The following POLR2J variants were observed in gnomAD, a reference collection of about 807,000 sequenced individuals.
The protein encoded by POLR2J is DNA-directed RNA polymerase II subunit RPB11-a.
In POLR2J, 12 loss-of-function variants were observed where a neutral mutation model predicts 13.4. That is an observed-to-expected ratio of 0.90 (90% confidence interval 0.57 to 1.45). The LOEUF (loss-of-function observed/expected upper bound fraction) is 1.45. Ranked by LOEUF, POLR2J falls within the 40% of genes most tolerant of loss-of-function variation. The pLI is 0.00. For missense variants in POLR2J, 58 were observed against 132.0 expected (o/e 0.44, Z 2.75); for synonymous variants, 31 against 53.6 (o/e 0.58, Z 1.84).
rs532211452 is a variant in POLR2J at position 102,473,448 on chromosome 7, A to AT, written c.*200_*201insA. The AT allele has an allele frequency of 2.1e-3, 1,567 of 743,872 alleles. 9 individuals are homozygous for AT. The highest frequency in any genetic ancestry group is 0.013 in the East Asian group (452 of 34,710). 46.1% of individuals were successfully genotyped at this position (743,872 alleles called of 1,614,324 possible). ...TGCGAAGTCACCGCTGCTCAAGTCC[A>AT]CATCCAGGTCTCTCCCGCTATACTT... On this transcript the variant is annotated 3_prime_UTR_variant, in exon 4 of 4. Transcript: ENST00000292614.
chr7:102,474,921 G>A (rs564442869), intron 2 of POLR2J, among the ~76,000 whole-genome samples: 1 of 145,256 alleles, frequency 6.9e-6, no homozygotes, highest in Non-Finnish European at 1.5e-5. Flanking sequence ...AGGGCCAGCT[G>A]CCGGCAGTGA....
rs375512750 is a variant in POLR2J at position 102,474,353 on chromosome 7, G to A, written c.318+8C>T. The A allele has an allele frequency of 3.6e-5, 58 of 1,611,700 alleles. No individual in the cohort carries two copies. In the African/African-American group the frequency reaches 4.9e-4, roughly 14 times the overall value. On this transcript the variant is annotated splice_region_variant and intron_variant, in intron 3 of 3. Coordinates refer to ENST00000292614, the MANE Select transcript of POLR2J (RefSeq NM_006234.6). Reference sequence around the variant, plus strand: ...CACCCCGTCTGCCCCTCCAGGCCCCGCCCTCACCCGAAAGCGCTCCTCCAG... The same window carrying A: ...CACCCCGTCTGCCCCTCCAGGCCCCACCCTCACCCGAAAGCGCTCCTCCAG...
At chr7:102,474,105 G>C in intron 3 of POLR2J, 1 of 1,476,638 alleles carries the variant, frequency 6.8e-7, no homozygotes, top group Non-Finnish European at 9.0e-7. Context: ...GTAGGTCCCC[G>C]CCCCGATCTG....
At position 102,473,361 on chromosome 7, in the gene POLR2J, T is replaced by G. The variant is rs1798290442; in HGVS notation, c.*288A>C. 1.8e-6 allele frequency: 1 copy of G among 570,442 alleles called. No individual in the cohort carries two copies. The highest frequency in any genetic ancestry group is 1.9e-5 in the African/African-American group (1 of 53,260). The allele number at this position is 570,442 out of a possible 1,614,324, so 35.3% of individuals were successfully genotyped here. On this transcript the variant is annotated 3_prime_UTR_variant, in exon 4 of 4. Transcript: ENST00000292614. ...CTTTGGTCCAGAATGAATTCATCCCTGCCAGCCGGACGCCCCTGAAACAGG... is the reference window on the plus strand; with the variant it reads ...CTTTGGTCCAGAATGAATTCATCCCGGCCAGCCGGACGCCCCTGAAACAGG...
At chr7:102,474,071 G>A (rs560256718) in intron 3 of POLR2J, 163 of 1,408,890 alleles carry the variant, frequency 1.2e-4, no homozygotes, top group Middle Eastern at 2.6e-4. Context: ...AACAAGGGAC[G>A]TAGAAGAGCA....
chr7:102,478,885 C>A lies in POLR2J; in HGVS notation c.-25G>T, dbSNP rs548362001. 6 of 1,610,152 alleles carry A rather than the reference C, an allele frequency of 3.7e-6. No homozygotes were observed. In the African/African-American group the frequency reaches 8.0e-5, roughly 22 times the overall value. ...TGCTCCCGCCGCCGTTGCGTCCAGA[C>A]CCCAAGGGTCCGCCGCCGCCGCCAC... On this transcript the variant is annotated 5_prime_UTR_variant, in exon 1 of 4. Coordinates refer to ENST00000292614, the MANE Select transcript of POLR2J (RefSeq NM_006234.6).
intron 1 of POLR2J, among the ~76,000 whole-genome samples, chr7:102,476,588 G>A (rs1350593647): frequency 8.7e-5 from 12 of 137,790 alleles, no homozygotes; most frequent in African/African-American, 2.8e-4. Context: ...GCAGTGAGCC[G>A]AGATCATGCC....
Position 102,478,919 on chromosome 7 carries a change from T to A in POLR2J, c.-59A>T. 1 of 1,605,902 alleles carries A rather than the reference T, an allele frequency of 6.2e-7. No homozygotes were observed. On this transcript the variant is annotated 5_prime_UTR_variant, in exon 1 of 4. Coordinates refer to ENST00000292614, the MANE Select transcript of POLR2J (RefSeq NM_006234.6). ...TCCGCCGCCGCCGCCACCAGAGCCCTAATAAGAGGCCTCTTCCGGATTACT... is the reference window on the plus strand; with the variant it reads ...TCCGCCGCCGCCGCCACCAGAGCCCAAATAAGAGGCCTCTTCCGGATTACT...
intron 2 of POLR2J, among the ~76,000 whole-genome samples, chr7:102,475,187 G>C (rs533855736): frequency 6.6e-6 from 1 of 151,722 alleles, no homozygotes; most frequent in Non-Finnish European, 1.5e-5. Context: ...CCGGGCAGGA[G>C]TCCTCCATCC....
intron 2 of POLR2J, among the ~76,000 whole-genome samples, chr7:102,474,819 C>T (rs1373035839): frequency 7.0e-6 from 1 of 142,642 alleles, no homozygotes; most frequent in African/African-American, 2.5e-5. Flanking sequence ...AAGAGATCTC[C>T]CAGGCAGTGA....
intron 1 of POLR2J, among the ~76,000 whole-genome samples, chr7:102,478,096 G>C: frequency 1.2e-5 from 1 of 80,976 alleles, no homozygotes; most frequent in African/African-American, 4.1e-5. Flanking sequence ...TGATTCTCCT[G>C]CCTCAGCCTT....
chr7:102,473,415 C>A lies in POLR2J; in HGVS notation c.*234G>T, dbSNP rs1306884031. The stretch of plus-strand genomic sequence containing the variant: ...TCTGCCTGCATCAAGCCTGACAATC[C>A]ATTTGCTTGCGAAGTCACCGCTGCT... On this transcript the variant is annotated 3_prime_UTR_variant, in exon 4 of 4. Coordinates refer to ENST00000292614, the MANE Select transcript of POLR2J (RefSeq NM_006234.6). 8 of 586,000 alleles carry A rather than the reference C, an allele frequency of 1.4e-5. No homozygotes were observed. In the East Asian group the frequency reaches 1.5e-4, roughly 11 times the overall value. The allele number at this position is 586,000 out of a possible 1,614,324, so 36.3% of individuals were successfully genotyped here. A position where few individuals can be genotyped will look rare whatever the true frequency, so the allele number is the denominator to read the frequency against.
At chr7:102,474,338 G>T in intron 3 of POLR2J, 23 bp downstream of exon 3, 1 of 1,611,802 alleles carries the variant, frequency 6.2e-7, no homozygotes, top group Non-Finnish European at 8.5e-7. Context: ...CACCCCGTCT[G>T]CCCCTCCAGG....
At chr7:102,474,237 G>C in intron 3 of POLR2J, 124 bp downstream of exon 3, 3 of 1,588,388 alleles carry the variant, frequency 1.9e-6, no homozygotes, top group Non-Finnish European at 2.6e-6. Context: ...GGAAGTCCCT[G>C]CTCTTCCATC....
chr7:102,473,598 A>G lies in POLR2J; in HGVS notation c.*51T>C, dbSNP rs746800595. 1.8e-5 allele frequency: 28 copies of G among 1,595,614 alleles called. No homozygotes were observed. The East Asian group carries it at 3.8e-4, about 21-fold the overall frequency. On this transcript the variant is annotated 3_prime_UTR_variant, in exon 4 of 4. Transcript: ENST00000292614. ...GGTGTGGTACCTGGAGCGGAGGGTC[A>G]GGCACAGGTAGGAACGGGGCTCACA...
intron 2 of POLR2J, among the ~76,000 whole-genome samples, chr7:102,475,178 C>T (rs572472674): frequency 1.3e-5 from 2 of 152,364 alleles, no homozygotes; most frequent in African/African-American, 2.4e-5. Context: ...GGCTGGGCTC[C>T]GGGCAGGAGT....
chr7:102,474,337 T>C, intron 3 of POLR2J, 24 bp downstream of exon 3: 1 of 1,611,858 alleles, frequency 6.2e-7, no homozygotes, highest in South Asian at 1.1e-5. Context: ...CCACCCCGTC[T>C]GCCCCTCCAG....
rs1336116541 is a variant in POLR2J at position 102,478,901 on chromosome 7, C to G, written c.-41G>C. 1 of 1,609,622 alleles carries G rather than the reference C, an allele frequency of 6.2e-7. No homozygotes were observed. The highest frequency in any genetic ancestry group is 8.5e-7 in the Non-Finnish European group (1 of 1,179,364). On this transcript the variant is annotated 5_prime_UTR_variant, in exon 1 of 4. Transcript: ENST00000292614. Reference sequence around the variant, plus strand: ...GCGTCCAGACCCCAAGGGTCCGCCGCCGCCGCCACCAGAGCCCTAATAAGA... The same window carrying G: ...GCGTCCAGACCCCAAGGGTCCGCCGGCGCCGCCACCAGAGCCCTAATAAGA...
At chr7:102,475,937 C>T (rs4729792) in intron 2 of POLR2J, among the ~76,000 whole-genome samples, 1 of 81,030 alleles carries the variant, frequency 1.2e-5, no homozygotes, top group African/African-American at 3.5e-5. Context: ...AACAAACAAA[C>T]AAACAGTGAA....
Sources: gnomAD v4.1 joint callset for allele counts (sites outside exome capture counted in the v4.1 genomes callset) on GRCh38, gnomAD v4.1.1 for gene constraint, MANE v1.5 for transcripts, NCBI Gene and HGNC (gene_info 2026-07-23, HGNC 2026-07-21) for gene names.